Variants in MYO16 observed in about 807,000 individuals in gnomAD.
The protein encoded by MYO16 is unconventional myosin-XVI.
MYO16 carries 94 observed loss-of-function variants against 205.3 expected under a neutral mutation model. The observed-to-expected ratio is 0.46, with a 90% CI of 0.39 to 0.54. The LOEUF (loss-of-function observed/expected upper bound fraction) is 0.54. Ranked by LOEUF, MYO16 falls within the 20% of genes least tolerant of loss-of-function variation. The pLI is 0.00. For synonymous variants in MYO16, 988 were observed against 954.0 expected, an observed-to-expected ratio of 1.04 and a Z score of -0.66; for missense variants, 2,315 against 2,387.5, an observed-to-expected ratio of 0.97 and a Z score of 0.63.
chr13:108,944,212 A>T (rs755037301), intron 16 of MYO16, among the ~76,000 whole-genome samples: 30 of 152,198 alleles, frequency 2.0e-4, no homozygotes, highest in South Asian at 2.1e-4. Flanking sequence ...GATAAAAAAA[A>T]AATAATATTA....
intron 34 of MYO16, among the ~76,000 whole-genome samples, chr13:109,181,815 T>A (rs1879461218): frequency 7.1e-6 from 1 of 140,648 alleles, no homozygotes; most frequent in East Asian, 1.9e-4. Context: ...TTTATTTATT[T>A]ATTTTATTTT....
chr13:109,144,240 C>A (rs537786839), intron 32 of MYO16, among the ~76,000 whole-genome samples: 43 of 152,208 alleles, frequency 2.8e-4, no homozygotes, highest in Admixed American at 2.4e-3. Context: ...GTCTTGAACT[C>A]CTGACCTCAG....
intron 23 of MYO16, among the ~76,000 whole-genome samples, chr13:109,034,468 A>G (rs1407870788): frequency 1.3e-5 from 2 of 152,138 alleles, no homozygotes; most frequent in Non-Finnish European, 2.9e-5. Flanking sequence ...CTTGTGAAGA[A>G]GGCACCTTGC....
At chr13:108,933,787 C>T (rs938947550) in intron 16 of MYO16, among the ~76,000 whole-genome samples, 3 of 151,996 alleles carry the variant, frequency 2.0e-5, no homozygotes, top group Admixed American at 2.0e-4. Flanking sequence ...TAGTGTCTAC[C>T]ATTGCCATTT....
chr13:108,961,752 C>T (rs2139367337), intron 18 of MYO16, 96 bp downstream of exon 18: 3 of 941,302 alleles, frequency 3.2e-6, no homozygotes, highest in East Asian at 4.8e-5. Flanking sequence ...AGCCAGTTGG[C>T]TTAAACCCTT....
chr13:109,157,242 CAAAAAAAAAAAAAAA>C (rs56176251), intron 32 of MYO16, among the ~76,000 whole-genome samples: 2 of 108,162 alleles, frequency 1.8e-5, no homozygotes, highest in African/African-American at 3.4e-5. Flanking sequence ...TTAGTATTTA[CAAAAAAAAAAAAAAA>C]AAAAAAAAAA....
chr13:109,130,447 A>T (rs1277837390), intron 31 of MYO16, among the ~76,000 whole-genome samples: 1 of 152,264 alleles, frequency 6.6e-6, no homozygotes, highest in Non-Finnish European at 1.5e-5. Flanking sequence ...ATCTCCTGCA[A>T]CTAGAGATGT....
At chr13:108,733,758 C>T (rs776054328) in intron 4 of MYO16, among the ~76,000 whole-genome samples, 1 of 152,052 alleles carries the variant, frequency 6.6e-6, no homozygotes, top group African/African-American at 2.4e-5. Flanking sequence ...GTCAGGAGAT[C>T]GAGACCATCC....
chr13:108,771,398 G>A (rs541674919), intron 4 of MYO16, among the ~76,000 whole-genome samples: 6 of 152,094 alleles, frequency 3.9e-5, no homozygotes, highest in South Asian at 2.1e-4. Flanking sequence ...AATTTCACAC[G>A]TGCTCCCTGA....
chr13:108,890,104 A>ATATT (rs1880093815), intron 14 of MYO16, among the ~76,000 whole-genome samples: 1 of 94,888 alleles, frequency 1.1e-5, no homozygotes, highest in African/African-American at 4.2e-5. Flanking sequence ...TAATTTTTGT[A>ATATT]TTTTTTTTTT....
At chr13:108,845,341 G>A (rs888878910) in intron 10 of MYO16, among the ~76,000 whole-genome samples, 4 of 152,142 alleles carry the variant, frequency 2.6e-5, no homozygotes, top group Admixed American at 6.6e-5. Flanking sequence ...CACAGTCTGG[G>A]TGGCTTGGAC....
chr13:108,746,962 TTC>T (rs1399543686), intron 4 of MYO16, among the ~76,000 whole-genome samples: 3 of 152,212 alleles, frequency 2.0e-5, no homozygotes, highest in East Asian at 3.8e-4. Flanking sequence ...CACAATGGGC[TTC>T]TCTCTAGAAA....
intron 14 of MYO16, among the ~76,000 whole-genome samples, chr13:108,891,964 A>G (rs1252609895): frequency 2.6e-5 from 4 of 152,152 alleles, no homozygotes; most frequent in Non-Finnish European, 5.9e-5. Flanking sequence ...AATTTATAGT[A>G]TCTGATTCCT....
At chr13:108,922,584 A>T (rs932878388) in intron 16 of MYO16, among the ~76,000 whole-genome samples, 5 of 152,220 alleles carry the variant, frequency 3.3e-5, no homozygotes, top group Non-Finnish European at 1.5e-5. Flanking sequence ...TGGCGAAGTC[A>T]ATAAGATTTG....
At chr13:108,561,348 T>C in the MYO16 span, among the ~76,000 whole-genome samples, 2 of 152,242 alleles carry the variant, frequency 1.3e-5, no homozygotes, top group Non-Finnish European at 1.5e-5. Context: ...TTTATTCTCT[T>C]GGCATAGACT....
chr13:109,165,783 A>T (rs1345391744), intron 33 of MYO16, among the ~76,000 whole-genome samples: 2 of 152,186 alleles, frequency 1.3e-5, no homozygotes, highest in East Asian at 3.9e-4. Context: ...CACATTGTTC[A>T]GAGAAGGCAG....
At chr13:108,873,635 C>T (rs1461340252) in intron 12 of MYO16, among the ~76,000 whole-genome samples, 2 of 127,676 alleles carry the variant, frequency 1.6e-5, no homozygotes, top group Non-Finnish European at 3.4e-5. Context: ...CCAGGCCAAC[C>T]AACCAGGACA....
chr13:108,951,389 G>T (rs1322974549), intron 16 of MYO16, among the ~76,000 whole-genome samples: 1 of 152,198 alleles, frequency 6.6e-6, no homozygotes, highest in Non-Finnish European at 1.5e-5. Flanking sequence ...AGGCCGTGGA[G>T]AGCTGGGAGG....
intron 31 of MYO16, among the ~76,000 whole-genome samples, chr13:109,134,135 A>G (rs157030): frequency 2.0e-5 from 3 of 151,958 alleles, no homozygotes; most frequent in Non-Finnish European, 4.4e-5. Context: ...AGTATCTTTC[A>G]TCTGTAGAAT....
Sources: gnomAD v4.1 joint callset for allele counts (sites outside exome capture counted in the v4.1 genomes callset) on GRCh38, gnomAD v4.1.1 for gene constraint, MANE v1.5 for transcripts, NCBI Gene and HGNC (gene_info 2026-07-23, HGNC 2026-07-21) for gene names.